Variants in ANKRD42 observed in about 807,000 individuals in gnomAD.
ANKRD42 encodes the protein ankyrin repeat domain 42, also known as ankyrin repeat domain-containing protein 42.
In ANKRD42, 43 loss-of-function variants were observed where a neutral mutation model predicts 51.5. The ratio of observed to expected loss-of-function variants is 0.83; its 90% CI spans 0.65 to 1.08. The LOEUF (loss-of-function observed/expected upper bound fraction) is 1.08. Ranked by LOEUF, ANKRD42 falls within the 50% of genes least tolerant of loss-of-function variation. The pLI is 0.00. For missense variants in ANKRD42, 608 were observed against 629.3 expected, an observed-to-expected ratio of 0.97 and a Z score of 0.36; for synonymous variants, 203 against 213.0, an observed-to-expected ratio of 0.95 and a Z score of 0.41.
chr11:83,263,187 T>C (rs562213787), downstream of ANKRD42, among the ~76,000 whole-genome samples: 5 of 152,320 alleles, frequency 3.3e-5, no homozygotes, highest in African/African-American at 4.8e-5. Context: ...TTGAGTCACA[T>C]AGTGCTATCT....
At chr11:83,202,988 A>AT (rs750379636) in intron 2 of ANKRD42, among the ~76,000 whole-genome samples, 7,664 of 118,890 alleles carry the variant, frequency 0.064, 317 homozygotes, top group Middle Eastern at 0.17. Flanking sequence ...TGTTGGTTGG[A>AT]TTTTTTTTTT....
At chr11:83,235,557 G>A (rs1863199052) in intron 7 of ANKRD42, among the ~76,000 whole-genome samples, 2 of 152,222 alleles carry the variant, frequency 1.3e-5, no homozygotes, top group Non-Finnish European at 2.9e-5. Context: ...TTTAGACATT[G>A]GTTGAGGGTC....
At chr11:83,210,700 A>G (rs1379110616) in intron 4 of ANKRD42, among the ~76,000 whole-genome samples, 1 of 152,252 alleles carries the variant, frequency 6.6e-6, no homozygotes, top group Non-Finnish European at 1.5e-5. Context: ...CGAAGCTTCA[A>G]ACGAATCTTA....
At chr11:83,244,716 G>A (rs966272425) in intron 9 of ANKRD42, among the ~76,000 whole-genome samples, 4 of 152,124 alleles carry the variant, frequency 2.6e-5, no homozygotes, top group African/African-American at 9.7e-5. Flanking sequence ...TCTAATAGTT[G>A]GAGAATAGTT....
At chr11:83,228,444 G>T (rs1862965577) in intron 7 of ANKRD42, among the ~76,000 whole-genome samples, 1 of 151,732 alleles carries the variant, frequency 6.6e-6, no homozygotes, top group South Asian at 2.1e-4. Context: ...TGGCCAGGCT[G>T]ATCTTGAACT....
intron 5 of ANKRD42, chr11:83,213,626 A>C (rs896422025): frequency 2.4e-5 from 24 of 983,740 alleles, no homozygotes; most frequent in Non-Finnish European, 3.1e-5. Context: ...TTTCCTGATG[A>C]CTAAAGATGT....
intron 7 of ANKRD42, among the ~76,000 whole-genome samples, chr11:83,231,056 T>A (rs999402603): frequency 6.6e-6 from 1 of 152,198 alleles, no homozygotes; most frequent in African/African-American, 2.4e-5. Context: ...CCCATTTCCT[T>A]TCTTTTGGGC....
chr11:83,219,250 C>T lies in ANKRD42; in HGVS notation c.587-5605C>T, dbSNP rs566534629. On this transcript the variant is annotated intron_variant, in intron 5 of 10. Transcript: ENST00000533342. ...TACCGGATTTAACCATGCTTACCAG[C>T]GGGATGGAAACGTCCCTTGCCCCTG... 2.1e-3 allele frequency among the ~76,000 whole-genome samples: 314 copies of T among 152,310 alleles called. 1 individual carries two copies. Among genetic ancestry groups the T allele is most frequent in the Admixed American group, 1.6e-3 (25 of 15,302 alleles).
downstream of ANKRD42, among the ~76,000 whole-genome samples, chr11:83,257,703 C>T (rs1226246913): frequency 6.6e-6 from 1 of 152,230 alleles, no homozygotes; most frequent in Non-Finnish European, 1.5e-5. Context: ...CTTTTCCCCT[C>T]TAACTTGATG....
chr11:83,210,120 C>A (rs1486268395), intron 3 of ANKRD42, 180 bp from the exon 4 acceptor site: 34 of 473,792 alleles, frequency 7.2e-5, no homozygotes, highest in East Asian at 1.1e-4. Context: ...AAAAAAAAAA[C>A]AAACATTTTC....
downstream of ANKRD42, among the ~76,000 whole-genome samples, chr11:83,258,521 A>G (rs576296387): frequency 1.4e-3 from 217 of 152,152 alleles, 1 homozygote; most frequent in Admixed American, 2.3e-3. Flanking sequence ...TTGCTGGGGG[A>G]CTGTGGACAA....
At position 83,211,302 on chromosome 11, in the gene ANKRD42, G is replaced by T; in HGVS notation, c.458G>T (p.Ser153Ile). Residue 153 changes from serine to isoleucine, a missense_variant, in exon 5 of 11, where the codon AGT (serine) becomes ATT (isoleucine). Ser to Ile is a moderately radical substitution (Grantham distance 142). Coordinates refer to ENST00000533342, the MANE Select transcript of ANKRD42 (RefSeq NM_001300975.2). ...TGTGAATGTTACCTCTAGGATCCCA[G>T]TGTGACTGATAAGAGAGAATGGAGA... ...QIMLRSGVDP[S>I]VTDKREWRPV... 6.2e-7 allele frequency: 1 copy of T among 1,614,154 alleles called. No homozygotes were observed. Among genetic ancestry groups the T allele is most frequent in the Non-Finnish European group, 8.5e-7 (1 of 1,180,026 alleles).
chr11:83,258,346 CA>C (rs1045875116), downstream of ANKRD42, among the ~76,000 whole-genome samples: 678 of 143,376 alleles, frequency 4.7e-3, 4 homozygotes, highest in African/African-American at 0.016. Flanking sequence ...GTTAATGAAA[CA>C]AAAAAAAAAG....
intron 7 of ANKRD42, among the ~76,000 whole-genome samples, chr11:83,230,115 G>A (rs548013377): frequency 2.0e-5 from 3 of 152,236 alleles, no homozygotes; most frequent in East Asian, 1.9e-4. Context: ...GCAATGGGGC[G>A]ATCACGACTA....
chr11:83,251,339 C>T (rs146841331), downstream of ANKRD42, among the ~76,000 whole-genome samples: 9 of 152,172 alleles, frequency 5.9e-5, no homozygotes, highest in African/African-American at 2.2e-4. Context: ...TGGGCACTTA[C>T]TTTACCCGCA....
intron 5 of ANKRD42, chr11:83,214,601 A>G (rs1333195412): frequency 2.1e-6 from 2 of 960,930 alleles, no homozygotes; most frequent in African/African-American, 1.8e-5. Context: ...TTTATTGATA[A>G]ATGTACATAT....
chr11:83,254,436 T>TC (rs1449969316), intron 11 of ANKRD42, among the ~76,000 whole-genome samples: 19 of 124,326 alleles, frequency 1.5e-4, no homozygotes, highest in South Asian at 2.6e-4. Flanking sequence ...TTTTCTTTTC[T>TC]TTTTTTTTTT....
chr11:83,210,451 G>T, intron 4 of ANKRD42, 32 bp downstream of exon 4: 1 of 1,609,618 alleles, frequency 6.2e-7, no homozygotes, highest in Non-Finnish European at 8.5e-7. Flanking sequence ...GTGCTAATGT[G>T]TGATAATATA....
chr11:83,224,489 T>C (rs191342580), intron 5 of ANKRD42, among the ~76,000 whole-genome samples: 33 of 152,328 alleles, frequency 2.2e-4, no homozygotes, highest in African/African-American at 7.9e-4. Flanking sequence ...GAAGGCTGAC[T>C]GTGTAAAGAA....
Sources: gnomAD v4.1 joint callset for allele counts (sites outside exome capture counted in the v4.1 genomes callset) on GRCh38, gnomAD v4.1.1 for gene constraint, MANE v1.5 for transcripts, NCBI Gene and HGNC (gene_info 2026-07-23, HGNC 2026-07-21) for gene names.